Variants in ATP7B observed in about 807,000 individuals in gnomAD.
The protein encoded by ATP7B is copper-transporting ATPase 2.
In ATP7B, 113 loss-of-function variants were observed where a neutral mutation model predicts 118.9. The observed-to-expected ratio is 0.95, with a 90% CI of 0.82 to 1.11. The LOEUF is 1.11. Ranked by LOEUF, ATP7B falls within the 50% of genes most tolerant of loss-of-function variation. ATP7B has a pLI of 0.00. For missense variants in ATP7B, 1,867 were observed against 1,871.4 expected (o/e 1.00, Z 0.04); for synonymous variants, 777 against 727.4 (o/e 1.07, Z -1.10).
chr13:51,971,307 T>G (rs1951831521), intron 2 of ATP7B, among the ~76,000 whole-genome samples: 1 of 152,280 alleles, frequency 6.6e-6, no homozygotes, highest in Non-Finnish European at 1.5e-5. Context: ...GAGCTGGACA[T>G]GTTTATACTA....
intron 13 of ATP7B, among the ~76,000 whole-genome samples, chr13:51,945,157 CG>C (rs1257633942): frequency 6.6e-6 from 1 of 152,126 alleles, no homozygotes; most frequent in African/African-American, 2.4e-5. Context: ...ACACTGCAGC[CG>C]GAATGATCTT....
chr13:51,945,980 C>T (rs1054780320), intron 13 of ATP7B, among the ~76,000 whole-genome samples: 34 of 152,118 alleles, frequency 2.2e-4, no homozygotes, highest in Admixed American at 6.5e-5. Flanking sequence ...TAGCTGCAGG[C>T]GTTTGGTCAA....
At chr13:51,941,273 G>C in intron 15 of ATP7B, 49 bp from the exon 16 acceptor site, 1 of 1,605,194 alleles carries the variant, frequency 6.2e-7, no homozygotes, top group East Asian at 2.2e-5. Context: ...ATTTCACTGT[G>C]AACTAAAAAC....
In ATP7B at chr13:51,941,133, A is replaced by T. The variant is rs768438514; in HGVS notation, c.3504T>A (p.Ala1168=). ...GLTISSDVSD[A]MTDHEMKGQT... ...GTCCTTTCATCTCGTGGTCTGTCATAGCGTCACTGACATCGCTAGAAATGG... is the reference window on the plus strand; with the variant it reads ...GTCCTTTCATCTCGTGGTCTGTCATTGCGTCACTGACATCGCTAGAAATGG... The change falls in exon 16 of 21, where the codon GCT becomes GCA. Residue 1168 remains alanine (A), a synonymous_variant. Transcript: ENST00000242839. The T allele has an allele frequency of 5.6e-6, 9 of 1,614,210 alleles. No homozygotes were observed. Among genetic ancestry groups the T allele is most frequent in the Middle Eastern group, 1.6e-4 (1 of 6,062 alleles).
chr13:51,960,428 T>G (rs1483997541), intron 6 of ATP7B, 106 bp from the exon 7 acceptor site: 1 of 1,377,152 alleles, frequency 7.3e-7, no homozygotes, highest in Non-Finnish European at 1.0e-6. Context: ...CTTTGTCACA[T>G]GTCTGGGACA....
At chr13:52,002,250 C>T (rs995519714) in intron 1 of ATP7B, among the ~76,000 whole-genome samples, 3 of 151,786 alleles carry the variant, frequency 2.0e-5, no homozygotes, top group Non-Finnish European at 4.4e-5. Flanking sequence ...AAAAGGACTG[C>T]TAAACTTTCC....
In ATP7B at chr13:52,011,242, G is replaced by A. The variant is rs773850839; in HGVS notation, c.51+45C>T. 7 of 1,613,900 alleles carry A rather than the reference G, an allele frequency of 4.3e-6. No individual in the cohort carries two copies. The Admixed American group carries it at 1.2e-4, about 27-fold the overall frequency. On this transcript the variant is annotated intron_variant, in intron 1 of 20. Transcript: ENST00000242839. ...CGAACGCGGGGAGGAAAATCCTCCT[G>A]GTGGGAGTGAGCACGCTGCGCGGAC...
intron 19 of ATP7B, 33 bp downstream of exon 19, chr13:51,937,243 G>A (rs1555283526): frequency 1.2e-5 from 19 of 1,594,136 alleles, no homozygotes; most frequent in African/African-American, 2.7e-5. Flanking sequence ...CTTTCTGGGC[G>A]CAGCTGGAGC....
intron 16 of ATP7B, among the ~76,000 whole-genome samples, chr13:51,940,174 C>T (rs193075013): frequency 0.033 from 4,953 of 150,134 alleles, 273 homozygotes; most frequent in African/African-American, 0.11. Context: ...CACCACACCC[C>T]GCTAATTTTT....
chr13:51,984,586 G>A (rs1181612994), intron 1 of ATP7B, among the ~76,000 whole-genome samples: 1 of 152,110 alleles, frequency 6.6e-6, no homozygotes, highest in East Asian at 1.9e-4. Context: ...TACTCCTCAA[G>A]AAGAGCAACC....
At chr13:52,012,099 G>A (rs1293978019), upstream of ATP7B, 7 of 520,594 alleles carry the variant, frequency 1.3e-5, no homozygotes, top group Non-Finnish European at 2.1e-5. Flanking sequence ...GAACGGGGGC[G>A]CAGGCGCCCA....
chr13:51,983,736 C>T (rs1396911198), intron 1 of ATP7B, among the ~76,000 whole-genome samples: 2 of 152,204 alleles, frequency 1.3e-5, no homozygotes, highest in African/African-American at 4.8e-5. Flanking sequence ...CTTTGCTGTT[C>T]TGTAGCCTCT....
At chr13:51,959,346 T>G (rs771399880) in intron 7 of ATP7B, 1 of 152,644 alleles carries the variant, frequency 6.6e-6, no homozygotes, top group Non-Finnish European at 1.5e-5. Context: ...CCTGGGCACA[T>G]AGCAAGACCC....
intron 1 of ATP7B, among the ~76,000 whole-genome samples, chr13:51,989,944 A>G (rs1449407411): frequency 6.6e-6 from 1 of 152,158 alleles, no homozygotes; most frequent in Non-Finnish European, 1.5e-5. Flanking sequence ...AATTATAGGT[A>G]TGACACATAA....
chr13:51,959,992 A>AG (rs1392809728), intron 7 of ATP7B, 156 bp downstream of exon 7: 6 of 1,055,536 alleles, frequency 5.7e-6, no homozygotes, highest in African/African-American at 1.6e-5. Flanking sequence ...TCATTAAGAG[A>AG]GAAAAAAAGC....
chr13:51,961,933 G>C lies in ATP7B; in HGVS notation c.1870-20C>G, dbSNP rs1448998211. 6.2e-7 allele frequency: 1 copy of C among 1,601,172 alleles called. No homozygotes were observed. The highest frequency in any genetic ancestry group is 1.7e-5 in the Admixed American group (1 of 59,838). ...AATTTCCTTGTCATTAAAAAGAGAG[G>C]GGTGGGGAAAAAGGAGGAAGGTACT... On this transcript the variant is annotated intron_variant, in intron 5 of 20. Transcript: ENST00000242839.
In ATP7B at chr13:51,937,315, C is replaced by T. The variant is rs1333619338; in HGVS notation, c.3982G>A (p.Ala1328Thr). 2 of 1,614,174 alleles carry T rather than the reference C, an allele frequency of 1.2e-6. No homozygotes were observed. Among genetic ancestry groups the T allele is most frequent in the South Asian group, 1.1e-5 (1 of 91,082 alleles). The part of the protein sequence containing the change: ...VRRIRINLVL[A>T]LIYNLVGIPI... ...ATCCCAACCAGGTTATAAATCAGTG[C>T]CAGGACCAGGTTGATGCGTATCCTT... Residue 1328 changes from alanine to threonine, a missense_variant, in exon 19 of 21, where the codon GCA (alanine) becomes ACA (threonine). Physicochemically the swap from Ala to Thr is moderately conservative, Grantham distance 58. Transcript: ENST00000242839.
intron 1 of ATP7B, among the ~76,000 whole-genome samples, chr13:51,978,320 A>G (rs1206973766): frequency 7.9e-5 from 12 of 152,250 alleles, no homozygotes; most frequent in African/African-American, 2.9e-4. Context: ...AAGACAGTTC[A>G]TCAAAAAAGA....
chr13:51,973,943 A>G lies in ATP7B; in HGVS notation c.1277T>C (p.Val426Ala), dbSNP rs1951968077. ...TCAAACACACTACGTACCAGAAACG[A>G]CTGAAGCCTCAAATCCCATGTCTTC... ...AIEDMGFEAS[V>A]VSESCSTNPL... The change falls in exon 2 of 21, where the codon GTC (valine) becomes GCC (alanine). Residue 426 changes from valine (V) to alanine (A), a missense_variant. Physicochemically the swap from Val to Ala is moderately conservative, Grantham distance 64 (BLOSUM62 0). Transcript: ENST00000242839. 3 of 1,614,234 alleles carry G rather than the reference A, an allele frequency of 1.9e-6. No homozygotes were observed. The East Asian group carries it at 6.7e-5, about 36-fold the overall frequency.
Sources: allele counts gnomAD v4.1 joint callset (sites outside exome capture counted in the v4.1 genomes callset), GRCh38; gene constraint gnomAD v4.1.1; transcripts MANE v1.5; gene names NCBI Gene and HGNC (gene_info 2026-07-23, HGNC 2026-07-21).